Variants in MLXIPL observed in about 807,000 individuals in gnomAD.
The protein encoded by MLXIPL is MLX interacting protein like.
A neutral mutation model predicts 81.5 loss-of-function variants in MLXIPL; 49 were observed. The observed-to-expected ratio is 0.60, with a 90% confidence interval of 0.48 to 0.76. The LOEUF is 0.76. Ranked by LOEUF, MLXIPL falls within the 30% of genes least tolerant of loss-of-function variation. The pLI, the probability that MLXIPL is intolerant of heterozygous loss-of-function variation, is 0.00. For synonymous variants in MLXIPL, 466 were observed against 485.5 expected (o/e 0.96, Z 0.53); for missense variants, 1,053 against 1,167.0 (o/e 0.90, Z 1.42).
rs781806746 is a variant in MLXIPL, at chr7:73,599,535, G to A, written c.1062C>T (p.Ser354=). The A allele has an allele frequency of 5.6e-6, 9 of 1,612,762 alleles. No homozygotes were observed. The highest frequency in any genetic ancestry group is 7.6e-6 in the Non-Finnish European group (9 of 1,179,750). Residue 354 remains serine (S), a synonymous_variant, in exon 8 of 17, where the codon AGC becomes AGT. Transcript: ENST00000313375. The part of the protein sequence containing the change: ...SSAMTHLSGH[S]RLQARNSCPG... Reference sequence around the variant, plus strand: ...GGTGGGGTGAGCTCACCTGCAGACGGCTGTGTCCAGAGAGGTGGGTCATGG... The same window carrying A: ...GGTGGGGTGAGCTCACCTGCAGACGACTGTGTCCAGAGAGGTGGGTCATGG...
chr7:73,624,275 C>G lies in MLXIPL; in HGVS notation c.218G>C (p.Gly73Ala), dbSNP rs782420778. Residue 73 changes from glycine (G) to alanine (A), a missense_variant, in exon 1 of 17, where the codon GGG (glycine) becomes GCG (alanine). Physicochemically the swap from Gly to Ala is moderately conservative, Grantham distance 60. Transcript: ENST00000313375. The stretch of plus-strand genomic sequence containing the variant: ...ACTGCGCGGCCCGAAGTCGGAGGGC[C>G]CCACGGACCCCTCCTGGTCGCGCCG... ...PRRRDQEGSV[G>A]PSDFGPRSID... The G allele has an allele frequency of 6.3e-7, 1 of 1,589,940 alleles. No individual in the cohort carries two copies.
chr7:73,620,025 T>A (rs1796242050), intron 1 of MLXIPL, among the ~76,000 whole-genome samples: 1 of 151,816 alleles, frequency 6.6e-6, no homozygotes, highest in Non-Finnish European at 1.5e-5. Flanking sequence ...ACCTAAGCAC[T>A]TTGGGAGGCT....
chr7:73,625,030 A>C (rs1428808403), upstream of MLXIPL, among the ~76,000 whole-genome samples: 1 of 152,012 alleles, frequency 6.6e-6, no homozygotes, highest in Non-Finnish European at 1.5e-5. Flanking sequence ...CCAAACATAC[A>C]AAAATTATCC....
chr7:73,639,841 G>C, the MLXIPL span, among the ~76,000 whole-genome samples: 1 of 146,972 alleles, frequency 6.8e-6, no homozygotes, highest in Admixed American at 6.8e-5. Context: ...GGTGGATCAC[G>C]AGGTCAGGAG....
Position 73,593,996 on chromosome 7 carries a change from C to CAGAG in MLXIPL, c.2441-17_2441-14dup. 1 of 1,600,108 alleles carries CAGAG rather than the reference C, an allele frequency of 6.2e-7. No individual in the cohort carries two copies. On this transcript the variant is annotated splice_polypyrimidine_tract_variant and intron_variant, in intron 16 of 16. Coordinates refer to ENST00000313375, the MANE Select transcript of MLXIPL (RefSeq NM_032951.3). ...GAGTTCAGGACAGCTGGGTGGGAGA[C>CAGAG]AGAGAGAGAGAGACAGACACTTCCT... is the stretch of plus-strand genomic sequence containing the variant.
the MLXIPL span, among the ~76,000 whole-genome samples, chr7:73,639,496 T>G: frequency 1.3e-5 from 2 of 152,110 alleles, no homozygotes; most frequent in African/African-American, 4.8e-5. Flanking sequence ...GAAATGGAGA[T>G]AGCTGGATGT....
At chr7:73,639,702 C>T in the MLXIPL span, among the ~76,000 whole-genome samples, 3 of 152,110 alleles carry the variant, frequency 2.0e-5, no homozygotes, top group Admixed American at 1.3e-4. Context: ...TAAATGCCAG[C>T]TCTCATTATT....
intron 7 of MLXIPL, among the ~76,000 whole-genome samples, chr7:73,603,184 G>T (rs1554596872): frequency 6.6e-6 from 1 of 152,142 alleles, no homozygotes; most frequent in African/African-American, 2.4e-5. Flanking sequence ...TGGGGGCAAC[G>T]AGAGCTGCCG....
At position 73,596,775 on chromosome 7, in the gene MLXIPL, A is replaced by G. The variant is rs372806777; in HGVS notation, c.1686T>C (p.Pro562=). 7.5e-6 allele frequency: 12 copies of G among 1,604,752 alleles called. No homozygotes were observed. The highest frequency in any genetic ancestry group is 1.0e-5 in the Non-Finnish European group (12 of 1,176,614). ...RSPGSPQETV[P]EFPCTFLPPT... ...GGGGAAGGAATGTGCAGGGGAATTC[A>G]GGGACTGTCTCCTGCTGGGGTGGAG... is the stretch of plus-strand genomic sequence containing the variant. The change falls in exon 11 of 17, where the codon CCT becomes CCC. Residue 562 remains proline, a synonymous_variant. Transcript: ENST00000313375. The surrounding 1 kb of genome is among the most constrained non-coding windows in gnomAD (Gnocchi z 4.7).
At chr7:73,611,439 GA>G (rs1795684478) in intron 2 of MLXIPL, 1 of 152,226 alleles carries the variant, frequency 6.6e-6, no homozygotes, top group Non-Finnish European at 1.5e-5. Flanking sequence ...GACAAACGAG[GA>G]CACAGAGGAA....
At chr7:73,605,883 C>G in intron 6 of MLXIPL, 27 bp downstream of exon 6, 2 of 1,568,554 alleles carry the variant, frequency 1.3e-6, no homozygotes, top group South Asian at 1.2e-5. Flanking sequence ...CTTCACCCCT[C>G]TCCCCTGCCC....
intron 7 of MLXIPL, among the ~76,000 whole-genome samples, chr7:73,604,797 C>A (rs901145938): frequency 1.6e-4 from 25 of 152,094 alleles, no homozygotes; most frequent in Middle Eastern, 3.4e-3. Flanking sequence ...CAGAGTCTTG[C>A]TCTGTCACCC....
rs782621757 is a variant in MLXIPL, at chr7:73,596,119, G to GT, written c.2058+33dup. 1 of 1,608,584 alleles carries GT rather than the reference G, an allele frequency of 6.2e-7. No individual in the cohort carries two copies. The highest frequency in any genetic ancestry group is 8.5e-7 in the Non-Finnish European group (1 of 1,178,880). ...GGGGGGTCCAGAAAGGGGCCCTGTGGTTTTGGGGGTGCCAGCCTGGGCCCG... is the reference window on the plus strand; with the variant it reads ...GGGGGGTCCAGAAAGGGGCCCTGTGGTTTTTGGGGGTGCCAGCCTGGGCCCG... On this transcript the variant is annotated intron_variant, in intron 13 of 16. Transcript: ENST00000313375. This position sits in a 1 kb window ranked among gnomAD's most constrained non-coding sequence, Gnocchi z 4.7.
At chr7:73,607,184 G>T in intron 4 of MLXIPL, 147 bp downstream of exon 4, 1 of 1,241,128 alleles carries the variant, frequency 8.1e-7, no homozygotes, top group Non-Finnish European at 1.1e-6. Flanking sequence ...GCCACACGGT[G>T]GCGCTGTCGG....
intron 7 of MLXIPL, among the ~76,000 whole-genome samples, chr7:73,603,671 G>A (rs1312523284): frequency 2.0e-5 from 3 of 152,234 alleles, no homozygotes; most frequent in Admixed American, 6.5e-5. Context: ...GCTTCGATGA[G>A]ACGGGCTGAG....
chr7:73,611,690 C>G (rs546873569), intron 2 of MLXIPL, among the ~76,000 whole-genome samples: 2 of 152,170 alleles, frequency 1.3e-5, no homozygotes, highest in South Asian at 4.2e-4. Flanking sequence ...GTGGCGCATG[C>G]CTGTAATCCC....
the MLXIPL span, among the ~76,000 whole-genome samples, chr7:73,637,387 C>G: frequency 5.0e-4 from 75 of 151,344 alleles, no homozygotes; most frequent in Middle Eastern, 6.9e-3. Context: ...AGGCGAGAGA[C>G]TTGCTTGAAC....
chr7:73,594,795 C>T (rs1794138003), intron 15 of MLXIPL, among the ~76,000 whole-genome samples: 1 of 151,570 alleles, frequency 6.6e-6, no homozygotes, highest in Admixed American at 6.6e-5. Flanking sequence ...GATCCACCCA[C>T]CTCAGCCTCC....
chr7:73,617,582 C>T (rs1391855585), intron 1 of MLXIPL, among the ~76,000 whole-genome samples: 2 of 151,868 alleles, frequency 1.3e-5, no homozygotes, highest in South Asian at 2.1e-4. Flanking sequence ...CGGTAGCTCA[C>T]GGTTGTAATC....
Sources: allele counts gnomAD v4.1 joint callset (sites outside exome capture counted in the v4.1 genomes callset), GRCh38; gene constraint gnomAD v4.1.1; non-coding constraint Gnocchi (gnomAD v3.1); transcripts MANE v1.5; gene names NCBI Gene and HGNC (gene_info 2026-07-23, HGNC 2026-07-21).